DST: variants seen among roughly 807,000 people sequenced by gnomAD.
DST encodes the protein dystonin, also known as bullous pemphigoid antigen.
DST carries 253 observed loss-of-function variants against 875.2 expected under a neutral mutation model. That is an observed-to-expected ratio of 0.29 (90% CI 0.26 to 0.32). DST has a LOEUF of 0.32. Among genes scored for constraint, DST ranks in the 10% least tolerant of loss-of-function variants. The probability of loss-of-function intolerance (pLI) is 1.00; values close to 1 mark genes in which losing one functional copy is unlikely to be tolerated. For missense variants in DST, 8,287 were observed against 9,111.6 expected (o/e 0.91, Z 3.68); for synonymous variants, 3,124 against 3,197.1 (o/e 0.98, Z 0.77).
chr6:56,582,102 A>G (rs2152650509), intron 49 of DST, among the ~76,000 whole-genome samples: 1 of 152,278 alleles, frequency 6.6e-6, no homozygotes, highest in East Asian at 1.9e-4. Flanking sequence ...TTGTTGAAAA[A>G]AGAATCCTAA....
At chr6:56,764,685 C>CG (rs781036411) in intron 4 of DST, among the ~76,000 whole-genome samples, 21 of 151,986 alleles carry the variant, frequency 1.4e-4, no homozygotes, top group Non-Finnish European at 2.1e-4. Context: ...AGGCTGGGCA[C>CG]GGTGGCTCAT....
At chr6:56,794,768 G>T (rs1183456440) in intron 4 of DST, among the ~76,000 whole-genome samples, 2 of 152,142 alleles carry the variant, frequency 1.3e-5, no homozygotes, top group African/African-American at 4.8e-5. Context: ...AATTAAGCAT[G>T]CCTTCACATC....
intron 5 of DST, among the ~76,000 whole-genome samples, chr6:56,717,084 G>A (rs976237389): frequency 1.1e-4 from 16 of 152,142 alleles, no homozygotes; most frequent in Non-Finnish European, 1.9e-4. Flanking sequence ...TCAGGAGGCT[G>A]AGGCAGAAGA....
chr6:56,480,846 G>A (rs577608906), intron 90 of DST, among the ~76,000 whole-genome samples: 1 of 152,236 alleles, frequency 6.6e-6, no homozygotes, highest in South Asian at 2.1e-4. Flanking sequence ...GTGGTGTCCA[G>A]CAAATATTTA....
At chr6:56,623,445 T>C (rs1322460063) in intron 36 of DST, among the ~76,000 whole-genome samples, 1 of 151,780 alleles carries the variant, frequency 6.6e-6, no homozygotes, top group Non-Finnish European at 1.5e-5. Context: ...GTCACAAATA[T>C]CCTGGTTCTC....
intron 50 of DST, 73 bp from the exon 51 acceptor site, chr6:56,573,960 G>A: frequency 1.9e-6 from 2 of 1,054,522 alleles, no homozygotes; most frequent in Non-Finnish European, 2.7e-6. Flanking sequence ...ACACATGAAG[G>A]TGAATCATAC....
At position 56,515,616 on chromosome 6, in the gene DST, G is replaced by A. The variant is rs1202641122; in HGVS notation, c.18410C>T (p.Ser6137Leu). ...CCGTTCCAGCTGCAGATACCTTTCT[G>A]AATTAATCTGGCAGATGGTATCATA... Reference protein sequence around the residue: ...KNYDTICQINSERYLQLERAQ... With the variant: ...KNYDTICQINLERYLQLERAQ... The change falls in exon 72 of 104, where the codon TCA (serine) becomes TTA (leucine). Residue 6137 changes from serine (S) to leucine (L), a missense_variant. Physicochemically the swap from Ser to Leu is moderately radical, Grantham distance 145. This residue lies in a region of DST where 1,292 missense variants were observed against 1,552.7 expected (regional missense o/e 0.83). Transcript: ENST00000680361. 1 of 1,613,274 alleles carries A rather than the reference G, an allele frequency of 6.2e-7. No homozygotes were observed. The highest frequency in any genetic ancestry group is 1.3e-5 in the African/African-American group (1 of 74,904).
In DST at chr6:56,790,854, G is replaced by T. The variant is rs79989273; in HGVS notation, c.626-55565C>A. Among the ~76,000 whole-genome samples the T allele has an allele frequency of 3.4e-3, 521 of 152,256 alleles. 4 individuals carry two copies. The highest frequency in any genetic ancestry group is 0.012 in the African/African-American group (506 of 41,550). ...ATACAAGAAAGCTTTCCGTTGTTTT[G>T]AACAAAAGAAGTCCCCATTGCCCAC... On this transcript the variant is annotated intron_variant, in intron 4 of 103. Transcript: ENST00000680361.
chr6:56,562,580 G>T (rs1179326197), intron 55 of DST, among the ~76,000 whole-genome samples: 1 of 150,394 alleles, frequency 6.6e-6, no homozygotes, highest in Non-Finnish European at 1.5e-5. Context: ...TTTTTAATTT[G>T]TATTTATTTT....
chr6:56,544,536 T>C (rs915907232), intron 61 of DST, among the ~76,000 whole-genome samples: 2 of 152,198 alleles, frequency 1.3e-5, no homozygotes, highest in South Asian at 2.1e-4. Context: ...TAGCACTCAC[T>C]GTCTGCCAAA....
chr6:56,747,294 C>T (rs2099575541), intron 4 of DST, among the ~76,000 whole-genome samples: 1 of 152,120 alleles, frequency 6.6e-6, no homozygotes, highest in Admixed American at 6.5e-5. Context: ...TTGTGTATCT[C>T]CTCCTCTACC....
chr6:56,636,402 G>GTATATATATATACACACATATATGTGTA (rs375815463), intron 23 of DST, among the ~76,000 whole-genome samples, 155 bp downstream of exon 23: 36 of 149,700 alleles, frequency 2.4e-4, no homozygotes, highest in African/African-American at 8.1e-4. Flanking sequence ...ACGTATGTGT[G>GTATATATATATACACACATATATGTGTA]TATATATATA....
intron 72 of DST, among the ~76,000 whole-genome samples, chr6:56,512,252 T>C (rs565686886): frequency 6.6e-6 from 1 of 152,354 alleles, no homozygotes; most frequent in South Asian, 2.1e-4. Flanking sequence ...ATATTTATAC[T>C]AGTGCGTGGG....
chr6:56,493,478 T>A (rs896544546), intron 83 of DST, among the ~76,000 whole-genome samples: 2 of 152,146 alleles, frequency 1.3e-5, no homozygotes, highest in African/African-American at 4.8e-5. Flanking sequence ...TATAATCTTG[T>A]ATTTCTTGCC....
At chr6:56,619,339 A>G in intron 36 of DST, 7 of 1,613,368 alleles carry the variant, frequency 4.3e-6, no homozygotes, top group Non-Finnish European at 5.9e-6. Flanking sequence ...CACACTCATT[A>G]CTTTTCTCCA....
At chr6:56,578,716 A>T in intron 50 of DST, 98 bp downstream of exon 50, 1 of 1,260,704 alleles carries the variant, frequency 7.9e-7, no homozygotes, top group Non-Finnish European at 1.1e-6. Flanking sequence ...CACATAGAAC[A>T]CAATCTATAA....
At chr6:56,862,571 A>G (rs1438315459) in intron 3 of DST, among the ~76,000 whole-genome samples, 1 of 151,966 alleles carries the variant, frequency 6.6e-6, no homozygotes, top group Non-Finnish European at 1.5e-5. Flanking sequence ...CTTCATCTTC[A>G]TCCAGTAGGA....
chr6:56,520,825 T>C (rs1353923047), intron 69 of DST, among the ~76,000 whole-genome samples: 1 of 152,140 alleles, frequency 6.6e-6, no homozygotes, highest in African/African-American at 2.4e-5. Context: ...GATATAATAC[T>C]GCCCAATTGC....
intron 4 of DST, among the ~76,000 whole-genome samples, chr6:56,818,983 T>G (rs2099769907): frequency 6.6e-6 from 1 of 152,164 alleles, no homozygotes; most frequent in Non-Finnish European, 1.5e-5. Flanking sequence ...TTGTCCATTT[T>G]TCCCACCTTT....
Sources: allele counts gnomAD v4.1 joint callset (sites outside exome capture counted in the v4.1 genomes callset), GRCh38; gene constraint gnomAD v4.1.1; regional missense constraint gnomAD v4.1.1; transcripts MANE v1.5; gene names NCBI Gene and HGNC (gene_info 2026-07-23, HGNC 2026-07-21).